PIK3C2G: variants seen among roughly 807,000 people sequenced by gnomAD.
PIK3C2G encodes phosphatidylinositol 3-kinase C2 domain-containing subunit gamma.
A neutral mutation model predicts 181.1 loss-of-function variants in PIK3C2G; 168 were observed. That is an observed-to-expected ratio of 0.93 (90% CI 0.82 to 1.05). The LOEUF (loss-of-function observed/expected upper bound fraction) is 1.05. PIK3C2G is among the 50% of genes least tolerant of loss of function. The probability of loss-of-function intolerance (pLI) is 0.00; values close to 1 mark genes in which losing one functional copy is unlikely to be tolerated. For synonymous variants in PIK3C2G, 573 were observed against 592.2 expected (o/e 0.97, Z 0.47); for missense variants, 1,869 against 1,732.8 (o/e 1.08, Z -1.40).
chr12:18,531,368 T>C (rs74068067), intron 24 of PIK3C2G, among the ~76,000 whole-genome samples: 5 of 152,286 alleles, frequency 3.3e-5, no homozygotes, highest in Admixed American at 1.3e-4. Context: ...TACAAAGAGA[T>C]TCCATAAATC....
intron 32 of PIK3C2G, among the ~76,000 whole-genome samples, chr12:18,643,137 A>G (rs1177185685): frequency 6.6e-6 from 1 of 152,148 alleles, no homozygotes; most frequent in African/African-American, 2.4e-5. Context: ...AGCTTTATGT[A>G]TTATAAGAAA....
At chr12:18,384,262 G>C (rs1318893361) in intron 14 of PIK3C2G, among the ~76,000 whole-genome samples, 1 of 151,710 alleles carries the variant, frequency 6.6e-6, no homozygotes, top group Non-Finnish European at 1.5e-5. Flanking sequence ...AAATATATAG[G>C]GAAACAGAGA....
At chr12:18,595,404 C>G (rs778810018) in intron 30 of PIK3C2G, among the ~76,000 whole-genome samples, 3 of 152,032 alleles carry the variant, frequency 2.0e-5, no homozygotes, top group Non-Finnish European at 4.4e-5. Flanking sequence ...GCAAAAAACT[C>G]AGATTTCACT....
At chr12:18,299,910 G>T (rs1170700476) in intron 5 of PIK3C2G, among the ~76,000 whole-genome samples, 1 of 151,776 alleles carries the variant, frequency 6.6e-6, no homozygotes, top group Non-Finnish European at 1.5e-5. Context: ...CCTTTTTAAT[G>T]TATAATTGGA....
At chr12:18,508,395 C>T (rs1384768121) in intron 24 of PIK3C2G, among the ~76,000 whole-genome samples, 1 of 152,100 alleles carries the variant, frequency 6.6e-6, no homozygotes, top group Non-Finnish European at 1.5e-5. Flanking sequence ...ATTCACAGAA[C>T]GTTGTTTTCT....
intron 5 of PIK3C2G, among the ~76,000 whole-genome samples, chr12:18,304,952 G>A (rs1035617901): frequency 2.0e-5 from 3 of 152,118 alleles, no homozygotes; most frequent in African/African-American, 7.2e-5. Flanking sequence ...CATGTGGGAG[G>A]ATAGAAAGGA....
intron 18 of PIK3C2G, among the ~76,000 whole-genome samples, chr12:18,475,344 ATCTC>A (rs772216719): frequency 2.8e-5 from 4 of 141,932 alleles, no homozygotes; most frequent in Non-Finnish European, 6.1e-5. Context: ...ACTAAATAGA[ATCTC>A]TCTCTCAATC....
rs1439440778 is a variant in PIK3C2G at position 18,401,016 on chromosome 12, A to G, written c.2315+1169A>G. Among the ~76,000 whole-genome samples, 5 of 152,094 alleles carry G rather than the reference A, an allele frequency of 3.3e-5. No homozygotes were observed. In the East Asian group the frequency reaches 7.7e-4, roughly 24 times the overall value. ...CTAGTACAGTGCTCTGTTACTTTAC[A>G]CATTGCATTTTATGGTAATGTGTTT... On this transcript the variant is annotated intron_variant, in intron 16 of 32. Transcript: ENST00000538779.
At chr12:18,539,368 A>G in intron 25 of PIK3C2G, among the ~76,000 whole-genome samples, 1 of 151,824 alleles carries the variant, frequency 6.6e-6, no homozygotes, top group East Asian at 1.9e-4. Context: ...ATTCATAACA[A>G]CCCTAACAGA....
chr12:18,434,511 T>G (rs571303155), intron 18 of PIK3C2G, among the ~76,000 whole-genome samples: 34 of 152,306 alleles, frequency 2.2e-4, no homozygotes, highest in African/African-American at 8.2e-4. Flanking sequence ...TGTAGAATCA[T>G]AGCAAGAGAA....
At chr12:18,515,773 T>C (rs1942497343) in intron 24 of PIK3C2G, among the ~76,000 whole-genome samples, 1 of 151,992 alleles carries the variant, frequency 6.6e-6, no homozygotes, top group African/African-American at 2.4e-5. Context: ...TTTGTTCCTG[T>C]TTTTCTAGTT....
chr12:18,321,801 G>T (rs1951121682), intron 7 of PIK3C2G, among the ~76,000 whole-genome samples: 1 of 152,172 alleles, frequency 6.6e-6, no homozygotes, highest in Non-Finnish European at 1.5e-5. Flanking sequence ...GACAGAGATG[G>T]AGCTAGAAGC....
At chr12:18,620,958 T>G (rs1369679138) in intron 31 of PIK3C2G, among the ~76,000 whole-genome samples, 1 of 152,098 alleles carries the variant, frequency 6.6e-6, no homozygotes, top group Non-Finnish European at 1.5e-5. Flanking sequence ...GGTATATAGG[T>G]AGAAAATGCT....
chr12:18,701,901 T>C, the PIK3C2G span: 1 of 1,350,424 alleles, frequency 7.4e-7, no homozygotes, highest in Non-Finnish European at 9.9e-7. Context: ...AAGAACTCCA[T>C]TTTTTCCCAT....
the PIK3C2G span, among the ~76,000 whole-genome samples, chr12:18,698,418 G>A: frequency 2.0e-5 from 3 of 152,094 alleles, no homozygotes; most frequent in African/African-American, 7.2e-5. Flanking sequence ...AAGGAAAAGA[G>A]CCTTTAAAAA....
chr12:18,308,450 G>A (rs1591904033), intron 5 of PIK3C2G, among the ~76,000 whole-genome samples: 3 of 150,576 alleles, frequency 2.0e-5, no homozygotes, highest in East Asian at 3.9e-4. Flanking sequence ...GAAGCCCTAT[G>A]GAATATAGAT....
At chr12:18,350,058 A>C (rs1940078701) in intron 11 of PIK3C2G, among the ~76,000 whole-genome samples, 1 of 152,200 alleles carries the variant, frequency 6.6e-6, no homozygotes, top group African/African-American at 2.4e-5. Flanking sequence ...AGCAATGACC[A>C]TACAGGAAGG....
chr12:18,540,479 C>CT (rs1427869779), intron 25 of PIK3C2G, among the ~76,000 whole-genome samples: 3 of 151,686 alleles, frequency 2.0e-5, no homozygotes, highest in Non-Finnish European at 4.4e-5. Flanking sequence ...TATCAGTGGG[C>CT]TTTTTTTCTC....
chr12:18,328,477 CA>C (rs1951445127), intron 8 of PIK3C2G, among the ~76,000 whole-genome samples: 1 of 151,942 alleles, frequency 6.6e-6, no homozygotes, highest in African/African-American at 2.4e-5. Flanking sequence ...TGGTTACAAG[CA>C]AATCTATTGT....
Sources: allele counts gnomAD v4.1 joint callset (sites outside exome capture counted in the v4.1 genomes callset), GRCh38; gene constraint gnomAD v4.1.1; transcripts MANE v1.5; gene names NCBI Gene and HGNC (gene_info 2026-07-23, HGNC 2026-07-21).